The following MTUS2 variants were observed in gnomAD, a reference collection of about 807,000 sequenced individuals.
MTUS2 encodes microtubule-associated tumor suppressor candidate 2.
In MTUS2, 40 loss-of-function variants were observed where a neutral mutation model predicts 114.1. The observed-to-expected ratio is 0.35, with a 90% CI of 0.27 to 0.46. The LOEUF is 0.46. MTUS2 is among the 20% of genes least tolerant of loss of function. The pLI, the probability that MTUS2 is intolerant of heterozygous loss-of-function variation, is 1.00. For missense variants in MTUS2, 1,679 were observed against 1,705.4 expected, an observed-to-expected ratio of 0.98 and a Z score of 0.27; for synonymous variants, 688 against 672.0, an observed-to-expected ratio of 1.02 and a Z score of -0.37.
intron 5 of MTUS2, among the ~76,000 whole-genome samples, chr13:29,191,797 G>A (rs1367763277): frequency 6.6e-6 from 1 of 152,114 alleles, no homozygotes; most frequent in Non-Finnish European, 1.5e-5. Flanking sequence ...CACTATTTTG[G>A]ATGGCTAACA....
intron 8 of MTUS2, among the ~76,000 whole-genome samples, chr13:29,388,446 A>G (rs1344758684): frequency 1.3e-5 from 2 of 151,124 alleles, no homozygotes; most frequent in Non-Finnish European, 2.9e-5. Flanking sequence ...TAATCGACCT[A>G]GACAGAATGA....
intron 5 of MTUS2, among the ~76,000 whole-genome samples, chr13:29,163,498 G>A (rs1394635037): frequency 6.6e-6 from 1 of 152,154 alleles, no homozygotes; most frequent in African/African-American, 2.4e-5. Context: ...TTTGCCTCAT[G>A]TTCCATCATG....
chr13:29,475,365 G>A (rs1197937209), intron 9 of MTUS2, among the ~76,000 whole-genome samples: 1 of 152,194 alleles, frequency 6.6e-6, no homozygotes, highest in African/African-American at 2.4e-5. Context: ...ACTGGTTTAT[G>A]TATTTACTAT....
intron 1 of MTUS2, among the ~76,000 whole-genome samples, chr13:28,837,099 G>A (rs1253176058): frequency 2.6e-5 from 4 of 152,112 alleles, no homozygotes; most frequent in African/African-American, 9.7e-5. Flanking sequence ...TCGAGAGACC[G>A]CTTCTCTGGT....
intron 2 of MTUS2, among the ~76,000 whole-genome samples, chr13:28,911,845 G>GTTTTTTTTTTTTTTTTTTTTTTTATTTT (rs202187530): frequency 1.9e-5 from 2 of 103,832 alleles, no homozygotes; most frequent in African/African-American, 3.8e-5. Context: ...ACTTTTTAAT[G>GTTTTTTTTTTTTTTTTTTTTTTTATTTT]TTTTTTTTTT....
At chr13:29,420,238 A>ACTTTC (rs1875977416) in intron 8 of MTUS2, among the ~76,000 whole-genome samples, 1 of 149,066 alleles carries the variant, frequency 6.7e-6, no homozygotes, top group Non-Finnish European at 1.5e-5. Context: ...TCCTTAACTT[A>ACTTTC]CTTTCTTTCT....
intron 5 of MTUS2, among the ~76,000 whole-genome samples, chr13:29,201,134 G>T (rs1463593134): frequency 6.6e-6 from 1 of 152,136 alleles, no homozygotes; most frequent in Non-Finnish European, 1.5e-5. Context: ...CTATTATTGT[G>T]TGGGAGTCTA....
intron 5 of MTUS2, among the ~76,000 whole-genome samples, chr13:29,148,472 CTTTT>C (rs976334425): frequency 2.7e-3 from 190 of 71,354 alleles, no homozygotes; most frequent in African/African-American, 9.8e-3. Context: ...GTTTGGTTTT[CTTTT>C]TTTTTTTTTT....
At chr13:29,436,819 CTTTT>C (rs10715829) in intron 8 of MTUS2, among the ~76,000 whole-genome samples, 2 of 137,456 alleles carry the variant, frequency 1.5e-5, no homozygotes, top group Non-Finnish European at 1.6e-5. Flanking sequence ...TCTTTTCTTG[CTTTT>C]TTTTTTTTTT....
intron 4 of MTUS2, among the ~76,000 whole-genome samples, chr13:29,039,042 A>G (rs763531617): frequency 3.3e-5 from 5 of 152,174 alleles, no homozygotes; most frequent in Non-Finnish European, 5.9e-5. Context: ...CTTGGGGACC[A>G]TCTCTCTCTG....
chr13:29,127,060 C>T (rs901557113), intron 5 of MTUS2, among the ~76,000 whole-genome samples: 1 of 152,164 alleles, frequency 6.6e-6, no homozygotes, highest in Non-Finnish European at 1.5e-5. Context: ...TCTTGTGTAC[C>T]CACATGCGTC....
chr13:28,936,294 A>T (rs1272541351), intron 2 of MTUS2, among the ~76,000 whole-genome samples: 1 of 152,182 alleles, frequency 6.6e-6, no homozygotes, highest in South Asian at 2.1e-4. Flanking sequence ...AACTTGGTTT[A>T]TAAGTTTTCT....
At chr13:29,488,699 G>A (rs555995071) in intron 11 of MTUS2, among the ~76,000 whole-genome samples, 9 of 152,252 alleles carry the variant, frequency 5.9e-5, no homozygotes, top group African/African-American at 1.9e-4. Flanking sequence ...GATGTTCTCC[G>A]GGCCACTGCA....
In MTUS2 at chr13:29,233,263, A is replaced by T. The variant is rs1267948700; in HGVS notation, c.2645-48441A>T. ...AAAAAAAAGTTTGGGGTAATGTAGA[A>T]ACACCCTGAGCCTAGCACAGTTGGA... is the stretch of plus-strand genomic sequence containing the variant. On this transcript the variant is annotated intron_variant, in intron 5 of 15. Coordinates refer to ENST00000612955, the MANE Select transcript of MTUS2 (RefSeq NM_001033602.4). Among the ~76,000 whole-genome samples the T allele has an allele frequency of 2.6e-5, 4 of 152,138 alleles. No individual in the cohort carries two copies. The East Asian group carries it at 5.8e-4, about 22-fold the overall frequency.
chr13:29,355,226 C>T lies in MTUS2; in HGVS notation c.2906-4036C>T, dbSNP rs897942921. Among the ~76,000 whole-genome samples the T allele has an allele frequency of 4.6e-5, 7 of 152,180 alleles. No homozygotes were observed. In the East Asian group the frequency reaches 5.8e-4, roughly 13 times the overall value. On this transcript the variant is annotated intron_variant, in intron 7 of 15. Transcript: ENST00000612955. ...TCCAGTGCTCAGCCTTTGCACGCAA[C>T]GCCTAGCCTTTGCACGCAAACTGTT...
rs554169760 is a variant in MTUS2 at position 29,303,476 on chromosome 13, A to C, written c.2807-21137A>C. Among the ~76,000 whole-genome samples, 7 of 152,098 alleles carry C rather than the reference A, an allele frequency of 4.6e-5. No homozygotes were observed. In the South Asian group the frequency reaches 1.5e-3, roughly 32 times the overall value. On this transcript the variant is annotated intron_variant, in intron 6 of 15. Transcript: ENST00000612955. ...ATAATTGGCCTGATGGAGCTGAAAA[A>C]CAACATGACAAATTCACAATGTAAT...
intron 2 of MTUS2, among the ~76,000 whole-genome samples, chr13:28,934,154 C>T (rs1881768290): frequency 6.6e-6 from 1 of 152,190 alleles, no homozygotes; most frequent in South Asian, 2.1e-4. Context: ...ATCTATTGTA[C>T]ATGCTTGTAA....
At chr13:29,481,878 A>G (rs1173982464) in intron 10 of MTUS2, among the ~76,000 whole-genome samples, 2 of 152,152 alleles carry the variant, frequency 1.3e-5, no homozygotes, top group African/African-American at 4.8e-5. Flanking sequence ...TTACAGCTGA[A>G]GTTACCTGTT....
chr13:28,892,646 G>T (rs935733111), intron 2 of MTUS2, among the ~76,000 whole-genome samples: 10 of 152,116 alleles, frequency 6.6e-5, no homozygotes, highest in Admixed American at 5.9e-4. Flanking sequence ...TATCTGGATT[G>T]GGCATTTTTT....
Sources: allele counts gnomAD v4.1 joint callset (sites outside exome capture counted in the v4.1 genomes callset), GRCh38; gene constraint gnomAD v4.1.1; transcripts MANE v1.5; gene names NCBI Gene and HGNC (gene_info 2026-07-23, HGNC 2026-07-21).